The following BACH2 variants were observed in gnomAD, a reference collection of about 807,000 sequenced individuals.
BACH2 encodes BACH transcriptional regulator 2.
A neutral mutation model predicts 61.8 loss-of-function variants in BACH2; 5 were observed. The observed-to-expected ratio is 0.08, with a 90% confidence interval of 0.04 to 0.17. The LOEUF is 0.17. Among genes scored for constraint, BACH2 ranks in the 10% least tolerant of loss-of-function variants. The probability of loss-of-function intolerance (pLI) is 1.00; values close to 1 mark genes in which losing one functional copy is unlikely to be tolerated. For missense variants in BACH2, 824 were observed against 1,091.1 expected (o/e 0.76, Z 3.45); for synonymous variants, 446 against 440.1 (o/e 1.01, Z -0.17).
At chr6:90,028,406 G>C (rs1778750678) in intron 5 of BACH2, among the ~76,000 whole-genome samples, 1 of 152,158 alleles carries the variant, frequency 6.6e-6, no homozygotes, top group African/African-American at 2.4e-5. Context: ...GCGTGCTTTG[G>C]ATACTCTATC....
At chr6:90,206,924 G>A (rs573817959) in intron 3 of BACH2, among the ~76,000 whole-genome samples, 6 of 152,220 alleles carry the variant, frequency 3.9e-5, no homozygotes, top group African/African-American at 1.4e-4. Flanking sequence ...TGTACCATAA[G>A]GGAATTCAGG....
chr6:89,974,897 C>T (rs962672028), intron 6 of BACH2, among the ~76,000 whole-genome samples: 2 of 152,174 alleles, frequency 1.3e-5, no homozygotes, highest in Non-Finnish European at 2.9e-5. Context: ...AAAGCAAGTT[C>T]TACAAGGTCT....
chr6:90,053,751 C>T (rs576316517), intron 5 of BACH2, among the ~76,000 whole-genome samples: 1 of 152,296 alleles, frequency 6.6e-6, no homozygotes, highest in South Asian at 2.1e-4. Context: ...ATTTCATCAT[C>T]TCCTGGATTT....
intron 7 of BACH2, among the ~76,000 whole-genome samples, chr6:89,939,548 C>A (rs1773269513): frequency 6.6e-6 from 1 of 151,972 alleles, no homozygotes; most frequent in South Asian, 2.1e-4. Context: ...TGACAAATTC[C>A]AATTCTTGAC....
chr6:90,135,897 T>G (rs1239821725), intron 4 of BACH2, among the ~76,000 whole-genome samples: 1 of 152,206 alleles, frequency 6.6e-6, no homozygotes, highest in East Asian at 1.9e-4. Flanking sequence ...TCTCTGACCC[T>G]TTCCACTGCC....
At chr6:90,145,844 G>C (rs1300481371) in intron 4 of BACH2, among the ~76,000 whole-genome samples, 1 of 152,208 alleles carries the variant, frequency 6.6e-6, no homozygotes, top group Admixed American at 6.5e-5. Context: ...GTTTAAGTAA[G>C]AGAAGACAGT....
At chr6:89,959,868 C>T (rs1247135469) in intron 6 of BACH2, among the ~76,000 whole-genome samples, 4 of 152,152 alleles carry the variant, frequency 2.6e-5, no homozygotes, top group East Asian at 1.9e-4. Context: ...AACTTATTAT[C>T]GGACCTGCCA....
chr6:90,085,488 T>C (rs1026073653), intron 5 of BACH2, among the ~76,000 whole-genome samples: 1 of 152,206 alleles, frequency 6.6e-6, no homozygotes, highest in African/African-American at 2.4e-5. Context: ...TGGCTCACGC[T>C]TTCCTTCGCC....
At chr6:90,295,737 C>T (rs1772335117) in intron 1 of BACH2, among the ~76,000 whole-genome samples, 1 of 152,106 alleles carries the variant, frequency 6.6e-6, no homozygotes, top group Admixed American at 6.5e-5. Context: ...AGGTTTCCCT[C>T]TCAGAAGCCT....
At chr6:90,135,705 C>A (rs1267224896) in intron 4 of BACH2, among the ~76,000 whole-genome samples, 1 of 152,196 alleles carries the variant, frequency 6.6e-6, no homozygotes, top group Non-Finnish European at 1.5e-5. Context: ...CAGAGCAAGA[C>A]TCCGTCTAAT....
intron 6 of BACH2, among the ~76,000 whole-genome samples, chr6:89,971,258 T>C (rs1293612669): frequency 6.6e-6 from 1 of 152,180 alleles, no homozygotes; most frequent in East Asian, 1.9e-4. Flanking sequence ...TTAGCTGGAT[T>C]AAGTTTATAG....
chr6:89,944,388 G>A (rs1773611038), intron 7 of BACH2, among the ~76,000 whole-genome samples: 3 of 152,242 alleles, frequency 2.0e-5, no homozygotes, highest in Admixed American at 2.0e-4. Context: ...TTACAGACAT[G>A]TGCTTTGGAA....
At chr6:90,031,592 C>G (rs192043054) in intron 5 of BACH2, among the ~76,000 whole-genome samples, 294 of 152,280 alleles carry the variant, frequency 1.9e-3, no homozygotes, top group Middle Eastern at 0.017. Context: ...CATGAGTGAA[C>G]TCCCATTCAC....
At chr6:90,063,397 A>T (rs772850236) in intron 5 of BACH2, among the ~76,000 whole-genome samples, 1 of 152,216 alleles carries the variant, frequency 6.6e-6, no homozygotes, top group Non-Finnish European at 1.5e-5. Context: ...TGTTATGCCA[A>T]GTAACAGGAT....
At chr6:90,281,328 A>C (rs966063936) in intron 1 of BACH2, among the ~76,000 whole-genome samples, 2 of 152,248 alleles carry the variant, frequency 1.3e-5, no homozygotes, top group African/African-American at 2.4e-5. Flanking sequence ...TCTTGCTACT[A>C]TAACAACTCA....
At chr6:90,046,944 T>TC (rs59032959) in intron 5 of BACH2, among the ~76,000 whole-genome samples, 2 of 152,024 alleles carry the variant, frequency 1.3e-5, no homozygotes, top group African/African-American at 2.4e-5. Context: ...TTTCTTTCTT[T>TC]TTTTGAGACA....
intron 3 of BACH2, among the ~76,000 whole-genome samples, chr6:90,245,395 A>G (rs959066605): frequency 1.3e-5 from 2 of 152,254 alleles, no homozygotes; most frequent in Admixed American, 1.3e-4. Flanking sequence ...GTTCAAGACC[A>G]GTCAGGGCAA....
At chr6:90,200,201 A>G (rs142047277) in intron 4 of BACH2, among the ~76,000 whole-genome samples, 1,713 of 152,276 alleles carry the variant, frequency 0.011, 27 homozygotes, top group Non-Finnish European at 0.017. Context: ...GTATTATTAT[A>G]AAAATGGCTT....
At chr6:90,206,002 C>G (rs1769132727) in intron 4 of BACH2, among the ~76,000 whole-genome samples, 1 of 152,212 alleles carries the variant, frequency 6.6e-6, no homozygotes, top group Non-Finnish European at 1.5e-5. Flanking sequence ...ACCTTACACT[C>G]TCTTGGAACT....
Sources: allele counts gnomAD v4.1 joint callset (sites outside exome capture counted in the v4.1 genomes callset), GRCh38; gene constraint gnomAD v4.1.1; transcripts MANE v1.5; gene names NCBI Gene and HGNC (gene_info 2026-07-23, HGNC 2026-07-21).